The following MEF2A variants were observed in gnomAD, a reference collection of about 807,000 sequenced individuals.
MEF2A encodes the protein myocyte-specific enhancer factor 2A.
Under a neutral mutation model 55.8 loss-of-function variants are expected in MEF2A, and 28 were observed. That is an observed-to-expected ratio of 0.50 (90% CI 0.37 to 0.69). The LOEUF is 0.69. Ranked by LOEUF, MEF2A falls within the 30% of genes least tolerant of loss-of-function variation. MEF2A has a pLI of 0.00. For missense variants in MEF2A, 528 were observed against 626.2 expected (o/e 0.84, Z 1.67); for synonymous variants, 239 against 227.1 (o/e 1.05, Z -0.47).
intron 8 of MEF2A, among the ~76,000 whole-genome samples, chr15:99,693,864 C>T (rs774668439): frequency 2.0e-5 from 3 of 152,106 alleles, no homozygotes; most frequent in East Asian, 1.9e-4. Context: ...ATTTTATAAA[C>T]GTTTTATTTT....
intron 2 of MEF2A, among the ~76,000 whole-genome samples, chr15:99,618,510 A>C (rs1311365272): frequency 6.6e-6 from 1 of 152,176 alleles, no homozygotes; most frequent in Admixed American, 6.5e-5. Flanking sequence ...GCAATGTTAT[A>C]TTTATTGAAT....
intron 1 of MEF2A, among the ~76,000 whole-genome samples, chr15:99,583,606 A>G (rs1966553341): frequency 6.6e-6 from 1 of 152,178 alleles, no homozygotes; most frequent in Non-Finnish European, 1.5e-5. Flanking sequence ...AGCTTGTACC[A>G]TGATACTGAA....
At chr15:99,646,206 G>C (rs1364023622) in intron 4 of MEF2A, among the ~76,000 whole-genome samples, 1 of 152,022 alleles carries the variant, frequency 6.6e-6, no homozygotes, top group African/African-American at 2.4e-5. Context: ...TGTTTTAGTT[G>C]GGCAACAGGA....
At chr15:99,650,932 G>A (rs1182373883) in intron 4 of MEF2A, among the ~76,000 whole-genome samples, 1 of 152,162 alleles carries the variant, frequency 6.6e-6, no homozygotes, top group Non-Finnish European at 1.5e-5. Flanking sequence ...TGCCTTAAGT[G>A]CAGTTATAGA....
chr15:99,679,764 T>G (rs894181739), intron 7 of MEF2A, among the ~76,000 whole-genome samples: 5 of 152,212 alleles, frequency 3.3e-5, no homozygotes, highest in Non-Finnish European at 2.9e-5. Flanking sequence ...ATGTGTTACA[T>G]TAGCAAGAAA....
intron 2 of MEF2A, among the ~76,000 whole-genome samples, chr15:99,623,822 A>G (rs1316759677): frequency 7.0e-6 from 1 of 143,866 alleles, no homozygotes; most frequent in Non-Finnish European, 1.5e-5. Flanking sequence ...TTTTTTTTTA[A>G]TTGAGACGGG....
intron 1 of MEF2A, among the ~76,000 whole-genome samples, chr15:99,587,369 C>A (rs956456981): frequency 2.0e-5 from 3 of 152,096 alleles, no homozygotes; most frequent in African/African-American, 7.2e-5. Context: ...CATCCATGTC[C>A]CTGCAAAGGA....
intron 8 of MEF2A, among the ~76,000 whole-genome samples, chr15:99,695,239 GACA>G (rs1484282388): frequency 5.9e-5 from 9 of 152,004 alleles, no homozygotes; most frequent in Middle Eastern, 3.2e-3. Flanking sequence ...TAAAATATAT[GACA>G]ACAAAAGATG....
At chr15:99,700,222 G>A (rs1216176291) in intron 8 of MEF2A, among the ~76,000 whole-genome samples, 19 of 112,948 alleles carry the variant, frequency 1.7e-4, no homozygotes, top group East Asian at 3.2e-4. Flanking sequence ...ACATATGTAC[G>A]TATGTGTCTG....
intron 7 of MEF2A, among the ~76,000 whole-genome samples, chr15:99,685,212 C>A (rs1301968473): frequency 1.3e-5 from 2 of 151,982 alleles, no homozygotes; most frequent in Non-Finnish European, 2.9e-5. Context: ...GGATTTTTTT[C>A]CCCCCTAGTT....
chr15:99,697,715 A>G (rs542011227), intron 8 of MEF2A, among the ~76,000 whole-genome samples: 1 of 152,324 alleles, frequency 6.6e-6, no homozygotes, highest in East Asian at 1.9e-4. Flanking sequence ...TTTTGTAGTT[A>G]CTAACAAGCT....
Position 99,712,327 on chromosome 15 carries a change from T to C in MEF2A, c.1137-63T>C. The C allele has an allele frequency of 6.8e-7, 1 of 1,474,468 alleles. No homozygotes were observed. Among genetic ancestry groups the C allele is most frequent in the Non-Finnish European group, 9.0e-7 (1 of 1,110,020 alleles). 91.3% of individuals were successfully genotyped at this position (1,474,468 alleles called of 1,614,324 possible). A position where few individuals can be genotyped will look rare whatever the true frequency, so the allele number is the denominator to read the frequency against. ...TTTCCATCAGGCAGTGTCTCTACTG[T>C]ATCATCCCAGTTTTGCAGAGGTACT... On this transcript the variant is annotated intron_variant, in intron 11 of 11. Coordinates refer to ENST00000557942, the MANE Select transcript of MEF2A (RefSeq NM_001319206.4). The surrounding 1 kb of genome is among the most constrained non-coding windows in gnomAD (Gnocchi z 4.1).
At chr15:99,684,545 C>T (rs1226476784) in intron 7 of MEF2A, among the ~76,000 whole-genome samples, 3 of 152,110 alleles carry the variant, frequency 2.0e-5, no homozygotes, top group African/African-American at 7.2e-5. Flanking sequence ...CCTTTGCCCA[C>T]TTTTTGATGG....
Position 99,645,638 on chromosome 15 carries a change from A to C in MEF2A, c.132A>C (p.Ala44=). The change falls in exon 4 of 12, where the codon GCA becomes GCC. Residue 44 remains alanine, a synonymous_variant. Coordinates refer to ENST00000557942, the MANE Select transcript of MEF2A (RefSeq NM_001319206.4). ...GTGTGCTCTGTGACTGTGAAATAGC[A>C]CTCATCATTTTCAACAGCTCTAACA... ...ELSVLCDCEI[A]LIIFNSSNKL... 1 of 1,613,740 alleles carries C rather than the reference A, an allele frequency of 6.2e-7. No individual in the cohort carries two copies. The highest frequency in any genetic ancestry group is 8.5e-7 in the Non-Finnish European group (1 of 1,179,732).
intron 7 of MEF2A, among the ~76,000 whole-genome samples, chr15:99,686,170 T>G (rs2054174830): frequency 6.6e-6 from 1 of 152,224 alleles, no homozygotes; most frequent in Non-Finnish European, 1.5e-5. Context: ...TGGTGGATTT[T>G]TAACCATTCT....
intron 2 of MEF2A, among the ~76,000 whole-genome samples, chr15:99,609,133 C>T (rs1976232543): frequency 6.6e-6 from 1 of 152,194 alleles, no homozygotes; most frequent in Non-Finnish European, 1.5e-5. Flanking sequence ...TTTCAGACCC[C>T]ACCTGCTCAC....
Position 99,566,762 on chromosome 15 carries a change from G to A in MEF2A, c.-225+658G>A, listed in dbSNP as rs1176511191. 3.3e-5 allele frequency among the ~76,000 whole-genome samples: 5 copies of A among 152,334 alleles called. No homozygotes were observed. The East Asian group carries it at 7.7e-4, about 24-fold the overall frequency. On this transcript the variant is annotated intron_variant, in intron 1 of 11. Transcript: ENST00000557942. ...TTGGTCTAACGGGGTGGAACGCTTA[G>A]GTACGAATTCTGTGAGTGTGTAGAT...
intron 8 of MEF2A, among the ~76,000 whole-genome samples, chr15:99,700,487 G>A (rs2057258108): frequency 6.6e-6 from 1 of 151,754 alleles, no homozygotes; most frequent in South Asian, 2.1e-4. Context: ...ACTCCAGCCT[G>A]GCTGACACAG....
intron 5 of MEF2A, chr15:99,671,655 G>A (rs370659482): frequency 7.6e-6 from 12 of 1,576,498 alleles, no homozygotes; most frequent in South Asian, 4.6e-5. Flanking sequence ...TCATAAAATC[G>A]CAGTGAGTAC....
Sources: allele counts gnomAD v4.1 joint callset (sites outside exome capture counted in the v4.1 genomes callset), GRCh38; gene constraint gnomAD v4.1.1; non-coding constraint Gnocchi (gnomAD v3.1); transcripts MANE v1.5; gene names NCBI Gene and HGNC (gene_info 2026-07-23, HGNC 2026-07-21).